FBLN7: variants seen among roughly 807,000 people sequenced by gnomAD.
FBLN7 encodes the protein fibulin 7.
In FBLN7, 31 loss-of-function variants were observed where a neutral mutation model predicts 44.0. The observed-to-expected ratio is 0.70, with a 90% CI of 0.53 to 0.95. The LOEUF is 0.95. Ranked by LOEUF, FBLN7 falls within the 40% of genes least tolerant of loss-of-function variation. The pLI is 0.00. For synonymous variants in FBLN7, 262 were observed against 253.4 expected (o/e 1.03, Z -0.32); for missense variants, 573 against 618.5 (o/e 0.93, Z 0.78).
the FBLN7 span, among the ~76,000 whole-genome samples, chr2:112,226,154 G>A: frequency 6.6e-5 from 10 of 150,496 alleles, no homozygotes; most frequent in South Asian, 1.0e-3. Flanking sequence ...ACAAATTTAC[G>A]CCAACAAAGT....
intron 3 of FBLN7, among the ~76,000 whole-genome samples, chr2:112,171,860 C>T (rs1007989090): frequency 3.3e-5 from 5 of 152,194 alleles, no homozygotes; most frequent in African/African-American, 1.2e-4. Flanking sequence ...CATTCTCCTG[C>T]CTCAGCCTCC....
chr2:112,163,915 C>G (rs935548304), intron 2 of FBLN7, among the ~76,000 whole-genome samples: 2 of 152,222 alleles, frequency 1.3e-5, no homozygotes, highest in African/African-American at 4.8e-5. Flanking sequence ...GGCACATCCC[C>G]ACCTCAGGAT....
chr2:112,160,816 A>ACACGCG (rs1371331866), intron 2 of FBLN7, among the ~76,000 whole-genome samples: 7 of 147,912 alleles, frequency 4.7e-5, no homozygotes, highest in African/African-American at 1.8e-4. Context: ...ACACACACGC[A>ACACGCG]CACACAAGCA....
At chr2:112,160,690 A>ACACACACGCGCACACACACGCG (rs1558879644) in intron 2 of FBLN7, among the ~76,000 whole-genome samples, 2 of 128,636 alleles carry the variant, frequency 1.6e-5, no homozygotes, top group African/African-American at 6.3e-5. Context: ...ACGCACGCAC[A>ACACACACGCGCACACACACGCG]CGCACACACG....
At chr2:112,198,953 T>G in the FBLN7 span, among the ~76,000 whole-genome samples, 2 of 152,200 alleles carry the variant, frequency 1.3e-5, no homozygotes, top group African/African-American at 2.4e-5. Flanking sequence ...CTAATTGGAA[T>G]CTCTGCTTTT....
the FBLN7 span, among the ~76,000 whole-genome samples, chr2:112,239,538 G>A: frequency 1.4e-3 from 208 of 146,830 alleles, no homozygotes; most frequent in African/African-American, 5.0e-3. Flanking sequence ...CAGAAGAATC[G>A]CTATTATAAA....
At chr2:112,207,464 CAAAAA>C in the FBLN7 span, among the ~76,000 whole-genome samples, 2 of 79,182 alleles carry the variant, frequency 2.5e-5, no homozygotes. Context: ...GACTCCATCT[CAAAAA>C]AAAAAAAAAA....
the FBLN7 span, among the ~76,000 whole-genome samples, chr2:112,207,937 G>A: frequency 9.1e-4 from 138 of 152,248 alleles, no homozygotes; most frequent in African/African-American, 2.9e-3. Flanking sequence ...TAAAAAATCC[G>A]TTCTGACAAT....
At chr2:112,212,967 T>C in the FBLN7 span, 3 of 30,642 alleles carry the variant, frequency 9.8e-5, no homozygotes, top group Admixed American at 2.8e-4. Context: ...AAGAAATGCT[T>C]TTTTTTTTTT....
At chr2:112,219,711 A>G in the FBLN7 span, among the ~76,000 whole-genome samples, 1 of 151,872 alleles carries the variant, frequency 6.6e-6, no homozygotes, top group South Asian at 2.1e-4. Context: ...ATTTTAGAGT[A>G]TGTGTTATGT....
At chr2:112,162,789 T>C (rs1004158510) in intron 2 of FBLN7, among the ~76,000 whole-genome samples, 1 of 152,212 alleles carries the variant, frequency 6.6e-6, no homozygotes. Flanking sequence ...TATTCAGGTA[T>C]GGTGTATTTG....
chr2:112,220,633 C>T, the FBLN7 span, among the ~76,000 whole-genome samples: 1 of 152,058 alleles, frequency 6.6e-6, no homozygotes, highest in African/African-American at 2.4e-5. Flanking sequence ...ACCAGCCTGA[C>T]CAACATGGAG....
the FBLN7 span, among the ~76,000 whole-genome samples, chr2:112,197,167 T>C: frequency 6.6e-6 from 1 of 150,856 alleles, no homozygotes; most frequent in East Asian, 2.0e-4. Context: ...TATTTAGTAA[T>C]AATGTCTTTG....
the FBLN7 span, among the ~76,000 whole-genome samples, chr2:112,201,523 T>A: frequency 6.6e-6 from 1 of 152,164 alleles, no homozygotes; most frequent in Non-Finnish European, 1.5e-5. Flanking sequence ...CCCTTCTTTT[T>A]TTTTCCTCCC....
chr2:112,222,660 T>A, the FBLN7 span, among the ~76,000 whole-genome samples: 1 of 152,242 alleles, frequency 6.6e-6, no homozygotes, highest in South Asian at 2.1e-4. Context: ...ATTTCACTTA[T>A]ATGAGATAAA....
At chr2:112,141,614 G>A (rs1680653399) in intron 1 of FBLN7, among the ~76,000 whole-genome samples, 1 of 152,224 alleles carries the variant, frequency 6.6e-6, no homozygotes, top group African/African-American at 2.4e-5. Context: ...AACTTTGCAG[G>A]TTACAGAACA....
intron 1 of FBLN7, among the ~76,000 whole-genome samples, chr2:112,145,896 C>A (rs1293115230): frequency 6.6e-6 from 1 of 152,218 alleles, no homozygotes; most frequent in Non-Finnish European, 1.5e-5. Context: ...ATTACCGTAG[C>A]TTTACAGTAA....
Position 112,181,866 on chromosome 2 carries a change from C to T in FBLN7, c.660C>T (p.Ser220=), listed in dbSNP as rs1319957567. 2 of 1,531,120 alleles carry T rather than the reference C, an allele frequency of 1.3e-6. No individual in the cohort carries two copies. The highest frequency in any genetic ancestry group is 2.0e-5 in the Admixed American group (1 of 50,194). 94.8% of individuals were successfully genotyped at this position (1,531,120 alleles called of 1,614,324 possible). A position where few individuals can be genotyped will look rare whatever the true frequency, so the allele number is the denominator to read the frequency against. ...ACCTGAGCGGCGCCGCCGGCGACAG[C>T]GTCTGCCAGGGTAGGCGCGGGCTCC... ...GFHLSGAAGD[S]VCQDVNECEL... is the part of the protein sequence containing the mutation. Residue 220 remains serine, a synonymous_variant, in exon 5 of 8, where the codon AGC becomes AGT. Transcript: ENST00000331203.
At chr2:112,154,240 T>C (rs1681304015) in intron 1 of FBLN7, among the ~76,000 whole-genome samples, 1 of 152,260 alleles carries the variant, frequency 6.6e-6, no homozygotes, top group Non-Finnish European at 1.5e-5. Flanking sequence ...ATGGAAACTA[T>C]TCGTCATTAT....
Sources: allele counts gnomAD v4.1 joint callset (sites outside exome capture counted in the v4.1 genomes callset), GRCh38; gene constraint gnomAD v4.1.1; transcripts MANE v1.5; gene names NCBI Gene and HGNC (gene_info 2026-07-23, HGNC 2026-07-21).